Variants in ABCC12 observed in about 807,000 individuals in gnomAD.
ABCC12 encodes the protein ATP-binding cassette sub-family C member 12.
Under a neutral mutation model 151.1 loss-of-function variants are expected in ABCC12, and 142 were observed. The ratio of observed to expected loss-of-function variants is 0.94; its 90% CI spans 0.82 to 1.08. The LOEUF (loss-of-function observed/expected upper bound fraction) is 1.08, where lower values mean the gene tolerates loss of function less well. Ranked by LOEUF, ABCC12 falls within the 50% of genes least tolerant of loss-of-function variation. The probability of loss-of-function intolerance (pLI) is 0.00; values close to 1 mark genes in which losing one functional copy is unlikely to be tolerated. For synonymous variants in ABCC12, 645 were observed against 646.4 expected (o/e 1.00, Z 0.03); for missense variants, 1,638 against 1,691.1 (o/e 0.97, Z 0.55).
rs776644518 is a variant in ABCC12 at position 48,117,374 on chromosome 16, CCCAAG to C, written c.1713-46_1713-42del. The C allele has an allele frequency of 8.7e-6, 14 of 1,603,568 alleles. No homozygotes were observed. In the East Asian group the frequency reaches 3.1e-4, roughly 36 times the overall value. On this transcript the variant is annotated intron_variant, in intron 13 of 30. Transcript: ENST00000311303. ...TCAGAAGTAGCTGGGTGAGAAAGAC[CCCAAG>C]CACTGCTGCCCTGGGCTGCTTCCAC...
intron 2 of ABCC12, among the ~76,000 whole-genome samples, chr16:48,151,485 G>C (rs1441900945): frequency 2.0e-5 from 3 of 152,164 alleles, no homozygotes; most frequent in Admixed American, 6.5e-5. Context: ...AGGAAATCTA[G>C]TAAAGTATAA....
chr16:48,114,475 C>T lies in ABCC12; in HGVS notation c.1989+940G>A, dbSNP rs117787842. Among the ~76,000 whole-genome samples, 26 of 152,242 alleles carry T rather than the reference C, an allele frequency of 1.7e-4. No individual in the cohort carries two copies. The East Asian group carries it at 5.0e-3, about 29-fold the overall frequency. The stretch of plus-strand genomic sequence containing the variant: ...CCTGCTTCCTGCCCCCAGACCAGGC[C>T]CTTATGTAACATGTTCTCTGCAGGT... On this transcript the variant is annotated intron_variant, in intron 15 of 30. Transcript: ENST00000311303.
intron 18 of ABCC12, among the ~76,000 whole-genome samples, chr16:48,110,985 C>T (rs1849071469): frequency 6.6e-6 from 1 of 152,196 alleles, no homozygotes; most frequent in African/African-American, 2.4e-5. Context: ...CCCTTCACTG[C>T]TTCATAATCC....
At chr16:48,155,447 T>G (rs903568764) in intron 1 of ABCC12, among the ~76,000 whole-genome samples, 1 of 152,090 alleles carries the variant, frequency 6.6e-6, no homozygotes, top group African/African-American at 2.4e-5. Flanking sequence ...CCAGGTCTTT[T>G]TTTTTGGGGG....
chr16:48,086,734 G>T lies in ABCC12; in HGVS notation c.3714+7C>A. ...CAAACTCCTCCTCAACAGCCCCAGA[G>T]ACCTACTGTGTCTCTCATGAATGTT... is the stretch of plus-strand genomic sequence containing the variant. On this transcript the variant is annotated splice_region_variant and intron_variant, in intron 28 of 30. Transcript: ENST00000311303. 1 of 1,610,952 alleles carries T rather than the reference G, an allele frequency of 6.2e-7. No individual in the cohort carries two copies. The highest frequency in any genetic ancestry group is 2.2e-5 in the East Asian group (1 of 44,846).
Position 48,083,438 on chromosome 16 carries a change from A to G in ABCC12, c.*277T>C, listed in dbSNP as rs372772067. The stretch of plus-strand genomic sequence containing the variant: ...ACTGGGGTGGTTTTGGTGAAAACAC[A>G]TGAGGAACCCTTGGGGATTTGGGAG... On this transcript the variant is annotated 3_prime_UTR_variant, in exon 31 of 31. Coordinates refer to ENST00000311303, the MANE Select transcript of ABCC12 (RefSeq NM_001393797.1). The G allele has an allele frequency of 2.5e-6, 1 of 402,530 alleles. No individual in the cohort carries two copies. The highest frequency in any genetic ancestry group is 4.4e-5 in the East Asian group (1 of 22,840). The allele number at this position is 402,530 out of a possible 1,614,324, so 24.9% of individuals were successfully genotyped here. A position where few individuals can be genotyped will look rare whatever the true frequency, so the allele number is the denominator to read the frequency against.
chr16:48,148,811 C>T (rs1351258309), intron 2 of ABCC12, among the ~76,000 whole-genome samples: 3 of 151,374 alleles, frequency 2.0e-5, no homozygotes, highest in Non-Finnish European at 2.9e-5. Flanking sequence ...CTTCACTTGA[C>T]CAATTTCTGC....
chr16:48,149,244 C>CAAA (rs1175912271), intron 2 of ABCC12, among the ~76,000 whole-genome samples: 1 of 65,048 alleles, frequency 1.5e-5, no homozygotes, highest in Non-Finnish European at 3.4e-5. Context: ...GTAGATTAAC[C>CAAA]AAAAAAAAAA....
intron 8 of ABCC12, among the ~76,000 whole-genome samples, chr16:48,137,264 T>C (rs1403300231): frequency 6.6e-6 from 1 of 152,190 alleles, no homozygotes; most frequent in Non-Finnish European, 1.5e-5. Flanking sequence ...AGTTATCTTA[T>C]CCTCCCTTAC....
At chr16:48,136,239 C>T (rs937275500) in intron 8 of ABCC12, among the ~76,000 whole-genome samples, 1 of 152,140 alleles carries the variant, frequency 6.6e-6, no homozygotes, top group Admixed American at 6.5e-5. Flanking sequence ...TCCCCAAGAG[C>T]ACCCTCTTAT....
chr16:48,127,484 TCA>T (rs1964278304), intron 11 of ABCC12, among the ~76,000 whole-genome samples: 1 of 152,176 alleles, frequency 6.6e-6, no homozygotes, highest in Non-Finnish European at 1.5e-5. Flanking sequence ...GCTTGTTATC[TCA>T]GTTTGCTTTT....
At chr16:48,103,952 T>G (rs1013873825) in intron 22 of ABCC12, among the ~76,000 whole-genome samples, 190 bp downstream of exon 22, 25 of 152,186 alleles carry the variant, frequency 1.6e-4, no homozygotes, top group African/African-American at 5.5e-4. Context: ...TTTCAATAGT[T>G]TCCACCTCTC....
chr16:48,093,495 G>C (rs527534564), intron 24 of ABCC12, among the ~76,000 whole-genome samples: 1 of 152,208 alleles, frequency 6.6e-6, no homozygotes, highest in East Asian at 1.9e-4. Context: ...TTCCCCTTCC[G>C]ACAGCCACAT....
chr16:48,126,763 C>G (rs749383956), intron 11 of ABCC12, among the ~76,000 whole-genome samples: 7 of 152,202 alleles, frequency 4.6e-5, no homozygotes, highest in Non-Finnish European at 8.8e-5. Flanking sequence ...AGAGGCATTG[C>G]ATTGCCCCCA....
At chr16:48,150,947 G>A (rs1965108521) in intron 2 of ABCC12, among the ~76,000 whole-genome samples, 1 of 152,072 alleles carries the variant, frequency 6.6e-6, no homozygotes, top group Non-Finnish European at 1.5e-5. Context: ...TGAGAAGCCT[G>A]GCTCTCACCA....
In ABCC12 at chr16:48,155,978, G is replaced by C. The variant is rs1016073787; in HGVS notation, c.-457C>G. 6.6e-6 allele frequency: 1 copy of C among 152,354 alleles called. No homozygotes were observed. Among genetic ancestry groups the C allele is most frequent in the Non-Finnish European group, 1.5e-5 (1 of 68,182 alleles). 9.4% of individuals were successfully genotyped at this position (152,354 alleles called of 1,614,324 possible). On this transcript the variant is annotated 5_prime_UTR_variant, in exon 1 of 31. Transcript: ENST00000311303. ...GTTTCTCTTGTCCCACCCGCCTGAA[G>C]TCCTCCTCTCCAACTGCCCCATTCA...
Position 48,141,324 on chromosome 16 carries a change from G to T in ABCC12, c.305C>A (p.Ala102Glu), listed in dbSNP as rs16945874. The T allele has an allele frequency of 0.083, 134,767 of 1,614,038 alleles. 9,511 individuals carry two copies. Among genetic ancestry groups the T allele is most frequent in the African/African-American group, 0.37 (27,908 of 74,962 alleles). Residue 102 changes from alanine (A) to glutamate (E), a missense_variant, in exon 5 of 31, where the codon GCA becomes GAA. By Grantham distance (107) the Ala-to-Glu change is moderately radical (BLOSUM62 -1). Transcript: ENST00000311303. ...RFRVLWDEEVARVGPEKASLS... is the reference protein window; with the variant it reads ...RFRVLWDEEVERVGPEKASLS... ...AGAGGCCTTCTCAGGACCCACCCTT[G>T]CTACCTCTTCATCCCAAAGGACTCG...
At chr16:48,123,673 A>G (rs1964145352) in intron 12 of ABCC12, among the ~76,000 whole-genome samples, 2 of 152,204 alleles carry the variant, frequency 1.3e-5, no homozygotes, top group African/African-American at 4.8e-5. Context: ...GGTTTGTGAA[A>G]ACTACAAATG....
intron 8 of ABCC12, among the ~76,000 whole-genome samples, chr16:48,137,366 C>A (rs184687753): frequency 1.3e-5 from 2 of 152,180 alleles, no homozygotes; most frequent in African/African-American, 2.4e-5. Flanking sequence ...TGAACTAAAT[C>A]GACAAGTTAA....
Sources: allele counts gnomAD v4.1 joint callset (sites outside exome capture counted in the v4.1 genomes callset), GRCh38; gene constraint gnomAD v4.1.1; transcripts MANE v1.5; gene names NCBI Gene and HGNC (gene_info 2026-07-23, HGNC 2026-07-21).